The following PDE4D variants were observed in gnomAD, a reference collection of about 807,000 sequenced individuals.
PDE4D encodes 3',5'-cyclic-AMP phosphodiesterase 4D.
Under a neutral mutation model 87.4 loss-of-function variants are expected in PDE4D, and 24 were observed. The ratio of observed to expected loss-of-function variants is 0.27; its 90% CI spans 0.20 to 0.39. The LOEUF is 0.39. Ranked by LOEUF, PDE4D falls within the 10% of genes least tolerant of loss-of-function variation. The pLI is 1.00. For missense variants in PDE4D, 714 were observed against 1,041.0 expected, an observed-to-expected ratio of 0.69 and a Z score of 4.32; for synonymous variants, 384 against 383.2, an observed-to-expected ratio of 1.00 and a Z score of -0.02.
At chr5:59,376,804 C>CTATACTA in intron 1 of PDE4D, among the ~76,000 whole-genome samples, 1 of 152,070 alleles carries the variant, frequency 6.6e-6, no homozygotes, top group South Asian at 2.1e-4. Flanking sequence ...GCCACAGTAA[C>CTATACTA]CAAAACGGCA....
chr5:59,518,066 G>A (rs1303556573), intron 1 of PDE4D, among the ~76,000 whole-genome samples: 1 of 151,940 alleles, frequency 6.6e-6, no homozygotes, highest in African/African-American at 2.4e-5. Flanking sequence ...AGTATTTTTA[G>A]CAGGTTTAAT....
chr5:60,408,882 T>A (rs1378737268), intron 1 of PDE4D, among the ~76,000 whole-genome samples: 1 of 152,234 alleles, frequency 6.6e-6, no homozygotes, highest in Admixed American at 6.5e-5. Context: ...TCCATGCACA[T>A]CCATGTCACC....
At chr5:59,951,861 C>A (rs1758327371) in intron 3 of PDE4D, among the ~76,000 whole-genome samples, 1 of 152,112 alleles carries the variant, frequency 6.6e-6, no homozygotes, top group South Asian at 2.1e-4. Flanking sequence ...TTCCACACAG[C>A]AAAGCTCCAT....
At chr5:59,992,710 A>G (rs1331096479) in intron 2 of PDE4D, among the ~76,000 whole-genome samples, 1 of 152,120 alleles carries the variant, frequency 6.6e-6, no homozygotes, top group African/African-American at 2.4e-5. Flanking sequence ...CTGCCTCAAG[A>G]CGTAACTTTT....
intron 1 of PDE4D, among the ~76,000 whole-genome samples, chr5:60,254,621 C>T (rs1748847409): frequency 6.6e-6 from 1 of 151,742 alleles, no homozygotes; most frequent in South Asian, 2.1e-4. Context: ...TCTAGGTAAA[C>T]CATGAGCAAA....
intron 1 of PDE4D, among the ~76,000 whole-genome samples, chr5:60,293,855 G>A (rs1195048314): frequency 6.6e-6 from 1 of 151,860 alleles, no homozygotes; most frequent in African/African-American, 2.4e-5. Flanking sequence ...ATTAATATGT[G>A]GGTTTATGAA....
chr5:59,270,518 T>A (rs886173823), intron 1 of PDE4D, among the ~76,000 whole-genome samples: 21 of 152,192 alleles, frequency 1.4e-4, no homozygotes, highest in African/African-American at 4.8e-4. Context: ...GGCCTTTTGT[T>A]CTTTATTGTC....
At chr5:59,589,259 A>G (rs1825601194) in intron 1 of PDE4D, among the ~76,000 whole-genome samples, 1 of 152,212 alleles carries the variant, frequency 6.6e-6, no homozygotes, top group Non-Finnish European at 1.5e-5. Flanking sequence ...ACCTTGTTAT[A>G]CTTTTATACT....
At chr5:59,841,102 T>C (rs766533741) in intron 1 of PDE4D, among the ~76,000 whole-genome samples, 2 of 152,122 alleles carry the variant, frequency 1.3e-5, no homozygotes, top group African/African-American at 2.4e-5. Flanking sequence ...CTAGTTTCTC[T>C]TGCACTTGGG....
chr5:60,223,948 T>TC (rs1242865847), intron 1 of PDE4D, among the ~76,000 whole-genome samples: 3 of 151,998 alleles, frequency 2.0e-5, no homozygotes, highest in African/African-American at 7.2e-5. Flanking sequence ...TTCCTCACCA[T>TC]CCCCCCTTTT....
Position 59,544,210 on chromosome 5 carries a change from C to T in PDE4D, c.456-328242G>A, listed in dbSNP as rs140227941. ...GCAACTGGCAACACATTCCTGGATTCTCTCATTCATTGAAGAAGGAACTCA... is the reference window on the plus strand; with the variant it reads ...GCAACTGGCAACACATTCCTGGATTTTCTCATTCATTGAAGAAGGAACTCA... On this transcript the variant is annotated intron_variant, in intron 1 of 14. Transcript: ENST00000340635. 1.6e-3 allele frequency among the ~76,000 whole-genome samples: 248 copies of T among 152,316 alleles called. 2 individuals carry two copies. Among genetic ancestry groups the T allele is most frequent in the African/African-American group, 5.8e-3 (241 of 41,572 alleles).
At chr5:59,115,630 T>C (rs149242199) in intron 5 of PDE4D, among the ~76,000 whole-genome samples, 2 of 152,306 alleles carry the variant, frequency 1.3e-5, no homozygotes, top group African/African-American at 4.8e-5. Flanking sequence ...GAGACCTCCT[T>C]TGCTTCCTTC....
intron 6 of PDE4D, among the ~76,000 whole-genome samples, chr5:59,011,515 C>T (rs1215949409): frequency 6.6e-6 from 1 of 151,966 alleles, no homozygotes; most frequent in Admixed American, 6.6e-5. Flanking sequence ...GTTTCAGTAG[C>T]CAATTCCATC....
At chr5:59,029,588 A>T (rs1424951463) in intron 6 of PDE4D, among the ~76,000 whole-genome samples, 2 of 152,076 alleles carry the variant, frequency 1.3e-5, no homozygotes, top group Non-Finnish European at 2.9e-5. Context: ...TGTCCACACT[A>T]TCCAAAGCCA....
chr5:59,411,311 T>A (rs922300724), intron 1 of PDE4D, among the ~76,000 whole-genome samples: 1 of 152,232 alleles, frequency 6.6e-6, no homozygotes, highest in African/African-American at 2.4e-5. Flanking sequence ...TCTAGTTGTT[T>A]CTTCTCGTCA....
chr5:60,117,771 C>A (rs1778297185), intron 2 of PDE4D, among the ~76,000 whole-genome samples: 1 of 151,528 alleles, frequency 6.6e-6, no homozygotes, highest in African/African-American at 2.4e-5. Flanking sequence ...TCTGATTACC[C>A]CTGCAGCTAC....
At chr5:59,902,619 A>G (rs1389507058) in intron 3 of PDE4D, among the ~76,000 whole-genome samples, 1 of 152,164 alleles carries the variant, frequency 6.6e-6, no homozygotes, top group Non-Finnish European at 1.5e-5. Flanking sequence ...ATGCTCTATA[A>G]CCTACATATG....
At chr5:60,321,005 C>T (rs1756206195) in intron 1 of PDE4D, among the ~76,000 whole-genome samples, 1 of 152,180 alleles carries the variant, frequency 6.6e-6, no homozygotes, top group African/African-American at 2.4e-5. Flanking sequence ...CAATGCCATT[C>T]CTGTCAAACT....
Position 59,943,727 on chromosome 5 carries a change from A to C in PDE4D, c.272+44761T>G. Among the ~76,000 whole-genome samples the C allele has an allele frequency of 1.3e-5, 2 of 152,164 alleles. 1 individual carries two copies. The highest frequency in any genetic ancestry group is 2.9e-5 in the Non-Finnish European group (2 of 68,022). ...CAATTGAAAGCTGAACTCTCTCCTG[A>C]ATCTGGTTCTGGACTCTGACCCTTT... On this transcript the variant is annotated intron_variant, in intron 3 of 16. Transcript: ENST00000502484.
Sources: gnomAD v4.1 joint callset for allele counts (sites outside exome capture counted in the v4.1 genomes callset) on GRCh38, gnomAD v4.1.1 for gene constraint, MANE v1.5 for transcripts, NCBI Gene and HGNC (gene_info 2026-07-23, HGNC 2026-07-21) for gene names.